STXBP5L: variants seen among roughly 807,000 people sequenced by gnomAD.
STXBP5L encodes the protein syntaxin-binding protein 5-like.
In STXBP5L, 65 loss-of-function variants were observed where a neutral mutation model predicts 144.5. The ratio of observed to expected loss-of-function variants is 0.45; its 90% confidence interval spans 0.37 to 0.55. The LOEUF (loss-of-function observed/expected upper bound fraction) is 0.55. Among genes scored for constraint, STXBP5L ranks in the 20% least tolerant of loss-of-function variants. The probability of loss-of-function intolerance (pLI) is 0.00; values close to 1 mark genes in which losing one functional copy is unlikely to be tolerated. For missense variants in STXBP5L, 1,298 were observed against 1,405.5 expected (o/e 0.92, Z 1.22); for synonymous variants, 505 against 469.6 (o/e 1.08, Z -0.97).
chr3:121,187,321 T>G (rs2047429581), intron 9 of STXBP5L, among the ~76,000 whole-genome samples: 1 of 150,438 alleles, frequency 6.6e-6, no homozygotes, highest in Non-Finnish European at 1.5e-5. Context: ...AAACACTGCA[T>G]GTTCTCACTC....
intron 3 of STXBP5L, among the ~76,000 whole-genome samples, chr3:120,991,665 G>A (rs1014486209): frequency 4.6e-5 from 7 of 152,148 alleles, no homozygotes; most frequent in Non-Finnish European, 1.0e-4. Context: ...AAAATGATGA[G>A]TTCATGTCCT....
chr3:121,348,002 G>A (rs899950276), intron 20 of STXBP5L, among the ~76,000 whole-genome samples: 1 of 152,182 alleles, frequency 6.6e-6, no homozygotes, highest in Admixed American at 6.6e-5. Context: ...ATGTTGAATA[G>A]GAGTGGTGAG....
intron 20 of STXBP5L, among the ~76,000 whole-genome samples, chr3:121,326,524 A>T (rs774112867): frequency 6.6e-6 from 1 of 152,096 alleles, no homozygotes; most frequent in Non-Finnish European, 1.5e-5. Context: ...ATTTTAATCT[A>T]AACAACTTTT....
In STXBP5L at chr3:121,003,332, C is replaced by T. The variant is rs548414574; in HGVS notation, c.288-38368C>T. On this transcript the variant is annotated intron_variant, in intron 3 of 26. Transcript: ENST00000471454. ...TGATGATGAGCATTTTTTCATGTGT[C>T]TTTTGGCTGCATAAATGTCTTCTTT... is the stretch of plus-strand genomic sequence containing the variant. 2.2e-4 allele frequency among the ~76,000 whole-genome samples: 34 copies of T among 152,162 alleles called. 1 individual carries two copies. The South Asian group carries it at 6.8e-3, about 31-fold the overall frequency.
chr3:121,003,101 T>C (rs997882847), intron 3 of STXBP5L, among the ~76,000 whole-genome samples: 6 of 152,198 alleles, frequency 3.9e-5, no homozygotes, highest in Admixed American at 3.9e-4. Flanking sequence ...AAATGGTATT[T>C]CTAGTTCTAG....
intron 5 of STXBP5L, among the ~76,000 whole-genome samples, chr3:121,051,798 A>G (rs1027662593): frequency 6.6e-6 from 1 of 152,238 alleles, no homozygotes; most frequent in Non-Finnish European, 1.5e-5. Flanking sequence ...TGAAGCCAGG[A>G]GCTGGTTTTT....
At chr3:120,982,904 C>T (rs946913579) in intron 3 of STXBP5L, among the ~76,000 whole-genome samples, 3 of 152,134 alleles carry the variant, frequency 2.0e-5, no homozygotes, top group Admixed American at 6.5e-5. Flanking sequence ...TCCTCAGGTC[C>T]CTAGGGTTCA....
intron 5 of STXBP5L, among the ~76,000 whole-genome samples, chr3:121,089,340 A>G (rs1042557536): frequency 7.3e-5 from 11 of 151,668 alleles, no homozygotes; most frequent in African/African-American, 2.7e-4. Flanking sequence ...TAATTTCTTC[A>G]TACCTGAGGG....
intron 19 of STXBP5L, among the ~76,000 whole-genome samples, chr3:121,297,944 A>T (rs566705205): frequency 6.6e-6 from 1 of 152,330 alleles, no homozygotes; most frequent in African/African-American, 2.4e-5. Context: ...GAACATGAGA[A>T]TGCTAATATT....
At chr3:120,973,282 T>C (rs77751911) in intron 3 of STXBP5L, among the ~76,000 whole-genome samples, 2 of 152,246 alleles carry the variant, frequency 1.3e-5, no homozygotes, top group African/African-American at 4.8e-5. Context: ...TTCTATTTCA[T>C]CCTAGTTCAA....
At position 121,205,993 on chromosome 3, in the gene STXBP5L, CA is replaced by C; in HGVS notation, c.953del (p.Asn318ThrfsTer6). 6.7e-7 allele frequency: 1 copy of C among 1,496,584 alleles called. No individual in the cohort carries two copies. The highest frequency in any genetic ancestry group is 8.9e-7 in the Non-Finnish European group (1 of 1,126,438). The allele number at this position is 1,496,584 out of a possible 1,614,324, so 92.7% of individuals were successfully genotyped here. On this transcript the variant is annotated frameshift_variant, in exon 10 of 27. Transcript: ENST00000471454. LOFTEE classifies it high-confidence loss of function. ...TTCTTAAAGTAGAATACAAGACCTG[CA>C]AAAACAGGTATGCATTTTTACTTTA... is the stretch of plus-strand genomic sequence containing the variant. ...PILKVEYKTC[K>X]NSEPFIIFSG... is the part of the protein sequence containing the mutation.
At chr3:120,978,835 A>T (rs554505613) in intron 3 of STXBP5L, among the ~76,000 whole-genome samples, 10 of 152,336 alleles carry the variant, frequency 6.6e-5, no homozygotes, top group African/African-American at 2.2e-4. Flanking sequence ...CCTCGGTATC[A>T]GCAGCGGTGG....
chr3:121,267,170 G>T (rs772317423), intron 18 of STXBP5L, among the ~76,000 whole-genome samples: 5 of 152,104 alleles, frequency 3.3e-5, no homozygotes, highest in East Asian at 1.9e-4. Context: ...ATACTACAAG[G>T]CTACAGTAAC....
intron 3 of STXBP5L, among the ~76,000 whole-genome samples, chr3:121,020,760 A>C (rs112151699): frequency 0.019 from 2,932 of 152,172 alleles, 90 homozygotes; most frequent in African/African-American, 0.066. Context: ...TGCTAAAGGG[A>C]GTTCTAAATC....
At chr3:121,302,849 T>A (rs2051976528) in intron 19 of STXBP5L, among the ~76,000 whole-genome samples, 1 of 152,142 alleles carries the variant, frequency 6.6e-6, no homozygotes, top group Non-Finnish European at 1.5e-5. Flanking sequence ...TGAAACTGGA[T>A]CCCTTCCTTA....
At chr3:121,335,187 A>G (rs140615049) in intron 20 of STXBP5L, among the ~76,000 whole-genome samples, 2,065 of 152,276 alleles carry the variant, frequency 0.014, 21 homozygotes, top group Middle Eastern at 0.034. Flanking sequence ...AGCCAAATCA[A>G]AAACACAATC....
At chr3:120,956,020 A>G (rs897420160) in intron 3 of STXBP5L, among the ~76,000 whole-genome samples, 1 of 151,970 alleles carries the variant, frequency 6.6e-6, no homozygotes, top group Admixed American at 6.6e-5. Context: ...TAGATGTACC[A>G]CAGTGTAGCC....
chr3:120,932,904 G>A (rs1205244707), intron 2 of STXBP5L, among the ~76,000 whole-genome samples: 1 of 151,978 alleles, frequency 6.6e-6, no homozygotes, highest in Non-Finnish European at 1.5e-5. Context: ...GTAGGGACAT[G>A]GATGAAGCTG....
At chr3:121,210,925 G>C (rs1401223136) in intron 10 of STXBP5L, among the ~76,000 whole-genome samples, 8 of 152,060 alleles carry the variant, frequency 5.3e-5, no homozygotes, top group Admixed American at 3.3e-4. Flanking sequence ...ACCTTTTTTG[G>C]TTCCATATGA....
Sources: allele counts gnomAD v4.1 joint callset (sites outside exome capture counted in the v4.1 genomes callset), GRCh38; gene constraint gnomAD v4.1.1; transcripts MANE v1.5; gene names NCBI Gene and HGNC (gene_info 2026-07-23, HGNC 2026-07-21).